The following ATR variants were observed in gnomAD, a reference collection of about 807,000 sequenced individuals.
The protein encoded by ATR is ATR checkpoint kinase.
In ATR, 142 loss-of-function variants were observed where a neutral mutation model predicts 305.3. That is an observed-to-expected ratio of 0.47 (90% CI 0.41 to 0.53). The LOEUF is 0.53. Among genes scored for constraint, ATR ranks in the 20% least tolerant of loss-of-function variants. The probability of loss-of-function intolerance (pLI) is 0.00; values close to 1 mark genes in which losing one functional copy is unlikely to be tolerated. For synonymous variants in ATR, 1,050 were observed against 1,068.1 expected (o/e 0.98, Z 0.33); for missense variants, 2,135 against 3,133.1 (o/e 0.68, Z 7.60).
intron 46 of ATR, chr3:142,450,730 A>T: frequency 6.4e-7 from 1 of 1,557,718 alleles, no homozygotes. Flanking sequence ...ACTACGGGGA[A>T]TGAAGGTGCT....
intron 24 of ATR, among the ~76,000 whole-genome samples, chr3:142,517,006 T>TATATATATATAC (rs980039667): frequency 6.7e-6 from 1 of 148,242 alleles, no homozygotes; most frequent in African/African-American, 2.5e-5. Flanking sequence ...TATATATATA[T>TATATATATATAC]ACATATTTCA....
At chr3:142,512,120 AAAC>A (rs1338436197) in intron 27 of ATR, 137 bp downstream of exon 27, 270 of 828,954 alleles carry the variant, frequency 3.3e-4, no homozygotes, top group Non-Finnish European at 3.8e-4. Context: ...CTCCATCTCC[AAAC>A]AACAACAACA....
At chr3:142,469,192 C>A (rs1451991429) in intron 38 of ATR, 145 bp downstream of exon 38, 2 of 591,020 alleles carry the variant, frequency 3.4e-6, no homozygotes, top group South Asian at 2.8e-5. Context: ...CTATAAATTT[C>A]TCTCTTTAAA....
At position 142,460,419 on chromosome 3, in the gene ATR, T is replaced by C. The variant is rs566136634; in HGVS notation, c.7193-1036A>G. ...TCATTAAGGTGGGCCCTTAATTCAATAATCCAGTGACTGGTGTTCTTATGA... is the reference window on the plus strand; with the variant it reads ...TCATTAAGGTGGGCCCTTAATTCAACAATCCAGTGACTGGTGTTCTTATGA... On this transcript the variant is annotated intron_variant, in intron 42 of 46. Transcript: ENST00000350721. Among the ~76,000 whole-genome samples the C allele has an allele frequency of 1.1e-4, 17 of 152,244 alleles. 1 individual carries two copies. In the South Asian group the frequency reaches 3.5e-3, roughly 32 times the overall value.
intron 3 of ATR, among the ~76,000 whole-genome samples, chr3:142,564,491 A>T: frequency 6.6e-6 from 1 of 152,238 alleles, no homozygotes; most frequent in South Asian, 2.1e-4. Flanking sequence ...AAGTAAAATA[A>T]ATGTTCAATA....
At chr3:142,577,534 G>A (rs2035479665) in intron 1 of ATR, among the ~76,000 whole-genome samples, 1 of 152,180 alleles carries the variant, frequency 6.6e-6, no homozygotes, top group South Asian at 2.1e-4. Context: ...AAATAGTGAT[G>A]CAGTTACGAC....
intron 35 of ATR, among the ~76,000 whole-genome samples, chr3:142,488,518 G>A (rs993205052): frequency 2.0e-5 from 3 of 152,140 alleles, no homozygotes; most frequent in African/African-American, 7.2e-5. Context: ...CTTAATTCTA[G>A]ACAGAAGAAG....
Position 142,512,146 on chromosome 3 carries a change from A to T in ATR, c.4852+114T>A, listed in dbSNP as rs575987354. 72 of 980,156 alleles carry T rather than the reference A, an allele frequency of 7.3e-5. No individual in the cohort carries two copies. The South Asian group carries it at 1.1e-3, about 14-fold the overall frequency. The allele number at this position is 980,156 out of a possible 1,614,324, so 60.7% of individuals were successfully genotyped here. On this transcript the variant is annotated intron_variant, in intron 27 of 46. Coordinates refer to ENST00000350721, the MANE Select transcript of ATR (RefSeq NM_001184.4). ...AACAACAACAACAACAATAAAAAAC[A>T]TGAAGCAAGGTATTTTTTAAGCTAG... is the stretch of plus-strand genomic sequence containing the variant.
At chr3:142,475,711 A>C (rs191913177) in intron 36 of ATR, among the ~76,000 whole-genome samples, 86 of 152,242 alleles carry the variant, frequency 5.6e-4, no homozygotes, top group Non-Finnish European at 9.9e-4. Flanking sequence ...TACAGTCCCA[A>C]CAACAGTGTA....
At chr3:142,473,108 A>T (rs2071334285) in intron 36 of ATR, among the ~76,000 whole-genome samples, 1 of 152,178 alleles carries the variant, frequency 6.6e-6, no homozygotes, top group Non-Finnish European at 1.5e-5. Flanking sequence ...TTTGTATAAT[A>T]TCATTTGTCT....
In ATR at chr3:142,515,422, T is replaced by C. The variant is rs2108379948; in HGVS notation, c.4476A>G (p.Ala1492=). 2.5e-6 allele frequency: 4 copies of C among 1,613,948 alleles called. No homozygotes were observed. Among genetic ancestry groups the C allele is most frequent in the Non-Finnish European group, 3.4e-6 (4 of 1,179,924 alleles). Reference sequence around the variant, plus strand: ...TTGTAATAAGATAACCTGCCCAAGATGCTGACCATTCTGCAAAGTTACTAC... The same window carrying C: ...TTGTAATAAGATAACCTGCCCAAGACGCTGACCATTCTGCAAAGTTACTAC... The part of the protein sequence containing the change: ...KLGSNFAEWS[A]SWAGYLITKV... The change falls in exon 25 of 47, where the codon GCA becomes GCG. Residue 1492 remains alanine (A), a synonymous_variant. Coordinates refer to ENST00000350721, the MANE Select transcript of ATR (RefSeq NM_001184.4).
At chr3:142,507,884 T>C (rs2032339738) in intron 28 of ATR, 47 bp downstream of exon 28, 1 of 1,492,298 alleles carries the variant, frequency 6.7e-7, no homozygotes, top group African/African-American at 1.4e-5. Context: ...CATAAAAGAC[T>C]GGCCACATTA....
chr3:142,464,425 C>T (rs573695224), intron 41 of ATR, among the ~76,000 whole-genome samples: 80 of 152,262 alleles, frequency 5.3e-4, no homozygotes, highest in African/African-American at 1.6e-3. Flanking sequence ...CTGCACCCAG[C>T]CTATTTATCT....
At chr3:142,454,903 T>C (rs2070872274) in intron 45 of ATR, among the ~76,000 whole-genome samples, 1 of 152,148 alleles carries the variant, frequency 6.6e-6, no homozygotes, top group African/African-American at 2.4e-5. Context: ...GCATGTCTAT[T>C]CGACACTGAT....
intron 46 of ATR, chr3:142,450,677 A>C (rs557308196): frequency 6.3e-7 from 1 of 1,599,646 alleles, no homozygotes; most frequent in East Asian, 2.2e-5. Context: ...GCAATTTAAA[A>C]AATCCTGATT....
At chr3:142,542,792 T>C (rs2034101666) in intron 16 of ATR, 35 bp from the exon 17 acceptor site, 7 of 1,488,296 alleles carry the variant, frequency 4.7e-6, no homozygotes, top group Admixed American at 1.7e-5. Context: ...GTAAGCTTTA[T>C]ACAGATTGAA....
intron 36 of ATR, 93 bp downstream of exon 36, chr3:142,485,047 T>TA: frequency 6.4e-7 from 1 of 1,555,958 alleles, no homozygotes; most frequent in Non-Finnish European, 8.8e-7. Context: ...AGCCAGAAAA[T>TA]ACCTAGAATA....
intron 35 of ATR, among the ~76,000 whole-genome samples, chr3:142,491,571 T>G (rs2031281837): frequency 6.6e-6 from 1 of 152,220 alleles, no homozygotes; most frequent in Non-Finnish European, 1.5e-5. Flanking sequence ...AGAAGATCTC[T>G]CTAACTGGGA....
chr3:142,578,556 C>G (rs2035515712), intron 1 of ATR, 90 bp downstream of exon 1: 2 of 1,428,244 alleles, frequency 1.4e-6, no homozygotes, highest in Admixed American at 2.1e-5. Context: ...GGGATCCCAG[C>G]CATAGCGCAG....
Sources: gnomAD v4.1 joint callset for allele counts (sites outside exome capture counted in the v4.1 genomes callset) on GRCh38, gnomAD v4.1.1 for gene constraint, MANE v1.5 for transcripts, NCBI Gene and HGNC (gene_info 2026-07-23, HGNC 2026-07-21) for gene names.